Variants in RRN3 observed in about 807,000 individuals in gnomAD.
RRN3 encodes RNA polymerase I-specific transcription initiation factor RRN3.
Under a neutral mutation model 82.3 loss-of-function variants are expected in RRN3, and 38 were observed. The ratio of observed to expected loss-of-function variants is 0.46; its 90% CI spans 0.36 to 0.61. The LOEUF (loss-of-function observed/expected upper bound fraction) is 0.61, where lower values mean the gene tolerates loss of function less well. Among genes scored for constraint, RRN3 ranks in the 20% least tolerant of loss-of-function variants. RRN3 has a pLI of 0.00. For missense variants in RRN3, 726 were observed against 793.1 expected, an observed-to-expected ratio of 0.92 and a Z score of 1.02; for synonymous variants, 284 against 284.3, an observed-to-expected ratio of 1.00 and a Z score of 0.01.
intron 6 of RRN3, 151 bp from the exon 7 acceptor site, chr16:15,084,856 AG>A (rs1211471407): frequency 1.4e-5 from 9 of 654,920 alleles, no homozygotes; most frequent in Non-Finnish European, 2.5e-5. Flanking sequence ...ACCTGAGGTC[AG>A]GAGTTCGAGA....
At chr16:15,068,361 C>T (rs1366147202) in intron 14 of RRN3, 84 bp from the exon 15 acceptor site, 4 of 1,465,480 alleles carry the variant, frequency 2.7e-6, no homozygotes, top group African/African-American at 2.9e-5. Context: ...CAAATTATCA[C>T]ACATTTAAAA....
chr16:15,078,880 C>G (rs1446289236), intron 9 of RRN3, among the ~76,000 whole-genome samples: 1 of 149,946 alleles, frequency 6.7e-6, no homozygotes, highest in Non-Finnish European at 1.5e-5. Flanking sequence ...GGCGCAATCT[C>G]GGCTCACTGC....
chr16:15,093,971 G>A, intron 1 of RRN3, 174 bp downstream of exon 1: 3 of 645,074 alleles, frequency 4.7e-6, no homozygotes, highest in Non-Finnish European at 8.4e-6. Context: ...CCCCACCCAT[G>A]TCTATTACCC....
At position 15,076,555 on chromosome 16, in the gene RRN3, A is replaced by G; in HGVS notation, c.858+3T>C. ...TCTCCACTTTCATTAATAAACTGCT[A>G]ACCATATTAAACAATCCTTCCGTGG... On this transcript the variant is annotated splice_donor_region_variant and intron_variant, in intron 10 of 17. Coordinates refer to ENST00000198767, the MANE Select transcript of RRN3 (RefSeq NM_018427.5). 6 of 1,596,800 alleles carry G rather than the reference A, an allele frequency of 3.8e-6. No homozygotes were observed. Among genetic ancestry groups the G allele is most frequent in the East Asian group, 2.2e-5 (1 of 44,830 alleles).
At chr16:15,086,318 A>G (rs745525059) in intron 4 of RRN3, 47 bp downstream of exon 4, 1 of 1,609,230 alleles carries the variant, frequency 6.2e-7, no homozygotes, top group Non-Finnish European at 8.5e-7. Flanking sequence ...TACTATTACC[A>G]AAGTTCTGAA....
At position 15,061,265 on chromosome 16, in the gene RRN3, T is replaced by C. The variant is rs2044700046; in HGVS notation, c.*479A>G. Reference sequence around the variant, plus strand: ...CCAATACAGCAGAAGGTGAACAATGTAGCCAAAATAAACACTTTCTAGTTA... The same window carrying C: ...CCAATACAGCAGAAGGTGAACAATGCAGCCAAAATAAACACTTTCTAGTTA... On this transcript the variant is annotated 3_prime_UTR_variant, in exon 18 of 18. Coordinates refer to ENST00000198767, the MANE Select transcript of RRN3 (RefSeq NM_018427.5). 1 of 153,554 alleles carries C rather than the reference T, an allele frequency of 6.5e-6. No homozygotes were observed. The highest frequency in any genetic ancestry group is 1.4e-5 in the Non-Finnish European group (1 of 69,042). 9.5% of individuals were successfully genotyped at this position (153,554 alleles called of 1,614,324 possible).
chr16:15,078,812 CTTTTTTTTTTTTT>C (rs5816111), intron 9 of RRN3, among the ~76,000 whole-genome samples: 1 of 117,640 alleles, frequency 8.5e-6, no homozygotes, highest in Non-Finnish European at 1.9e-5. Flanking sequence ...GTATTTTTTT[CTTTTTTTTTTTTT>C]TTTTGAGACA....
At chr16:15,082,244 G>T (rs1447253760) in intron 8 of RRN3, among the ~76,000 whole-genome samples, 3 of 152,196 alleles carry the variant, frequency 2.0e-5, no homozygotes, top group African/African-American at 7.2e-5. Context: ...ATCAGGTTGA[G>T]AAAATTTCCT....
intron 2 of RRN3, among the ~76,000 whole-genome samples, chr16:15,091,854 A>G (rs2046141588): frequency 6.6e-6 from 1 of 152,162 alleles, no homozygotes; most frequent in African/African-American, 2.4e-5. Context: ...TTACTGTCCC[A>G]AAGTAATGCT....
intron 17 of RRN3, among the ~76,000 whole-genome samples, chr16:15,062,252 C>A (rs985157372): frequency 6.6e-6 from 1 of 152,182 alleles, no homozygotes; most frequent in Non-Finnish European, 1.5e-5. Context: ...TGTTTCAAGT[C>A]TGACTTGCAA....
chr16:15,062,052 G>A (rs902062338), intron 17 of RRN3, 147 bp from the exon 18 acceptor site: 1 of 755,170 alleles, frequency 1.3e-6, no homozygotes, highest in African/African-American at 1.7e-5. Context: ...AGTGGCACAC[G>A]CCTGTAGTCC....
rs2045473368 is a variant in RRN3 at position 15,076,747 on chromosome 16, G to A, written c.766-97C>T. ...TTCATCTGATATACGCATGTTCAAG[G>A]TGTCCAGATTAGTGCCTTATATCAC... On this transcript the variant is annotated intron_variant, in intron 9 of 17. Coordinates refer to ENST00000198767, the MANE Select transcript of RRN3 (RefSeq NM_018427.5). The A allele has an allele frequency of 4.8e-6, 4 of 837,136 alleles. No homozygotes were observed. The African/African-American group carries it at 6.8e-5, about 14-fold the overall frequency. The allele number at this position is 837,136 out of a possible 1,614,324, so 51.9% of individuals were successfully genotyped here.
At chr16:15,094,322 G>C (rs1002140307), upstream of RRN3, 2 of 1,243,256 alleles carry the variant, frequency 1.6e-6, no homozygotes, top group Non-Finnish European at 2.3e-6. Context: ...GCGCGTGCCA[G>C]CGCAACCTTC....
At chr16:15,087,125 C>A (rs1188320243) in intron 3 of RRN3, among the ~76,000 whole-genome samples, 1 of 152,024 alleles carries the variant, frequency 6.6e-6, no homozygotes, top group African/African-American at 2.4e-5. Flanking sequence ...TATATTCATG[C>A]ATATATACTG....
At chr16:15,066,454 G>A in intron 15 of RRN3, among the ~76,000 whole-genome samples, 1 of 152,024 alleles carries the variant, frequency 6.6e-6, no homozygotes, top group Admixed American at 6.6e-5. Context: ...TCAACATGAT[G>A]AAACCCCATC....
chr16:15,066,342 AAC>A (rs2151764256), intron 15 of RRN3, among the ~76,000 whole-genome samples: 1 of 152,292 alleles, frequency 6.6e-6, no homozygotes, highest in South Asian at 2.1e-4. Context: ...CTAAAACACT[AAC>A]ACAGCCGGCT....
rs150620213 is a variant in RRN3, at chr16:15,076,611, T to C, written c.805A>G (p.Thr269Ala). 1.2e-5 allele frequency: 20 copies of C among 1,613,236 alleles called. No homozygotes were observed. In the African/African-American group the frequency reaches 2.3e-4, roughly 18 times the overall value. ...GTCCCACCACAAGTTTGAGTTGCTG[T>C]TTCTTCAGCATCTTCAATACCCTGC... ...SRQGIEDAEE[T>A]ATQTCGGTDS... is the part of the protein sequence containing the mutation. Residue 269 changes from threonine to alanine, a missense_variant, in exon 10 of 18, where the codon ACA (threonine) becomes GCA (alanine). By Grantham distance (58) the Thr-to-Ala change is moderately conservative. Transcript: ENST00000198767.
intron 3 of RRN3, among the ~76,000 whole-genome samples, chr16:15,087,855 C>T (rs1166826418): frequency 6.6e-6 from 1 of 152,184 alleles, no homozygotes; most frequent in African/African-American, 2.4e-5. Context: ...TAGCTCATGT[C>T]TGTAATCCCA....
chr16:15,078,346 G>A (rs188938942), intron 9 of RRN3, among the ~76,000 whole-genome samples: 22 of 152,026 alleles, frequency 1.4e-4, no homozygotes, highest in East Asian at 1.2e-3. Flanking sequence ...CCTAAACCAC[G>A]CCTCTTAGCC....
Sources: gnomAD v4.1 joint callset for allele counts (sites outside exome capture counted in the v4.1 genomes callset) on GRCh38, gnomAD v4.1.1 for gene constraint, MANE v1.5 for transcripts, NCBI Gene and HGNC (gene_info 2026-07-23, HGNC 2026-07-21) for gene names.